DENND1A: variants seen among roughly 807,000 people sequenced by gnomAD.
DENND1A encodes DENN domain containing 1A.
In DENND1A, 51 loss-of-function variants were observed where a neutral mutation model predicts 113.7. That is an observed-to-expected ratio of 0.45 (90% confidence interval 0.36 to 0.57). The LOEUF (loss-of-function observed/expected upper bound fraction) is 0.57, where lower values mean the gene tolerates loss of function less well. DENND1A is among the 20% of genes least tolerant of loss of function. The pLI is 0.00. For missense variants in DENND1A, 1,258 were observed against 1,395.9 expected (o/e 0.90, Z 1.57); for synonymous variants, 565 against 570.8 (o/e 0.99, Z 0.14).
chr9:123,524,484 GTGGTGGCCAACAC>G (rs975786213), intron 13 of DENND1A, among the ~76,000 whole-genome samples: 2 of 152,224 alleles, frequency 1.3e-5, no homozygotes, highest in Non-Finnish European at 2.9e-5. Flanking sequence ...ACAACAGTGA[GTGGTGGCCAACAC>G]AGATGAGCCA....
chr9:123,852,128 C>T (rs1237134866), intron 2 of DENND1A, among the ~76,000 whole-genome samples: 3 of 152,180 alleles, frequency 2.0e-5, no homozygotes, highest in East Asian at 1.9e-4. Flanking sequence ...CCCGCCATTA[C>T]ACTCTGGGGA....
chr9:123,387,674 C>G lies in DENND1A; in HGVS notation c.1760+56G>C. ...GCACCAGCCCCCCGCTTTCGCCATG[C>G]AGCCCCGCAGAGTCACCAAGCCGAG... On this transcript the variant is annotated intron_variant, in intron 22 of 23. Coordinates refer to ENST00000394215, the MANE Select transcript of DENND1A (RefSeq NM_001352964.2). 3 of 1,276,692 alleles carry G rather than the reference C, an allele frequency of 2.3e-6. No individual in the cohort carries two copies. In the South Asian group the frequency reaches 3.7e-5, roughly 16 times the overall value. The allele number at this position is 1,276,692 out of a possible 1,614,324, so 79.1% of individuals were successfully genotyped here.
chr9:123,628,149 T>A (rs886250435), intron 10 of DENND1A, among the ~76,000 whole-genome samples: 1 of 151,722 alleles, frequency 6.6e-6, no homozygotes. Flanking sequence ...AGTAAATTAA[T>A]CTCACTATAG....
At chr9:123,632,312 C>T (rs1350486680) in intron 9 of DENND1A, among the ~76,000 whole-genome samples, 3 of 152,128 alleles carry the variant, frequency 2.0e-5, no homozygotes, top group African/African-American at 7.2e-5. Context: ...TCAAGGCTCG[C>T]AGGTTTAACC....
At chr9:123,700,065 A>C (rs769860764) in intron 5 of DENND1A, among the ~76,000 whole-genome samples, 1 of 152,090 alleles carries the variant, frequency 6.6e-6, no homozygotes, top group African/African-American at 2.4e-5. Context: ...ATATATCTAG[A>C]TATCAGTTGA....
intron 5 of DENND1A, among the ~76,000 whole-genome samples, chr9:123,679,829 A>C (rs1045765500): frequency 6.6e-6 from 1 of 152,186 alleles, no homozygotes. Context: ...GTCCAAAGAC[A>C]GAAACAAACA....
intron 1 of DENND1A, among the ~76,000 whole-genome samples, chr9:123,904,864 C>A (rs1035725632): frequency 4.6e-5 from 7 of 152,194 alleles, no homozygotes; most frequent in South Asian, 2.1e-4. Context: ...GAACGCCACA[C>A]AGATACTCCT....
intron 3 of DENND1A, among the ~76,000 whole-genome samples, chr9:123,777,728 T>C (rs1830669023): frequency 6.6e-6 from 1 of 152,184 alleles, no homozygotes; most frequent in Non-Finnish European, 1.5e-5. Context: ...GCCTAAAATG[T>C]TGAAAAGGAA....
In DENND1A at chr9:123,387,778, G is replaced by C. The variant is rs760329539; in HGVS notation, c.1712C>G (p.Pro571Arg). The part of the protein sequence containing the change: ...SDDECQREEG[P>R]SSGFTESFFF... ...AAAGCTCTCGGTGAAGCCAGAGCTC[G>C]GGCCCTCTTCCCGCTGGCATTCATC... is the stretch of plus-strand genomic sequence containing the variant. The change falls in exon 22 of 24, where the codon CCG (proline) becomes CGG (arginine). Residue 571 changes from proline (P) to arginine (R), a missense_variant. Transcript: ENST00000394215. 2 of 1,289,540 alleles carry C rather than the reference G, an allele frequency of 1.6e-6. No individual in the cohort carries two copies. Among genetic ancestry groups the C allele is most frequent in the South Asian group, 2.5e-5 (2 of 80,970 alleles). The allele number at this position is 1,289,540 out of a possible 1,614,324, so 79.9% of individuals were successfully genotyped here.
intron 12 of DENND1A, among the ~76,000 whole-genome samples, chr9:123,571,425 C>T (rs1215782027): frequency 6.6e-6 from 1 of 152,254 alleles, no homozygotes; most frequent in Non-Finnish European, 1.5e-5. Flanking sequence ...TCCTTCACCA[C>T]AGAAGGTTGG....
At chr9:123,766,234 T>C (rs1828790920) in intron 4 of DENND1A, among the ~76,000 whole-genome samples, 1 of 152,106 alleles carries the variant, frequency 6.6e-6, no homozygotes, top group Admixed American at 6.6e-5. Flanking sequence ...AATACAAGTC[T>C]CCCCCACCAT....
At chr9:123,505,912 G>C (rs1564617065) in intron 13 of DENND1A, among the ~76,000 whole-genome samples, 1 of 152,140 alleles carries the variant, frequency 6.6e-6, no homozygotes, top group Middle Eastern at 3.4e-3. Flanking sequence ...TTAGACAAGT[G>C]CCCTGTGATC....
chr9:123,623,593 A>G (rs2061056346), intron 10 of DENND1A, among the ~76,000 whole-genome samples: 1 of 152,228 alleles, frequency 6.6e-6, no homozygotes, highest in African/African-American at 2.4e-5. Context: ...AGGGCAGCCC[A>G]TTTGTACTAA....
chr9:123,608,368 G>A (rs1031588266), intron 11 of DENND1A, among the ~76,000 whole-genome samples: 34 of 152,300 alleles, frequency 2.2e-4, no homozygotes, highest in Admixed American at 1.2e-3. Context: ...CAGAAGAAGA[G>A]AAGTAGCACT....
At chr9:123,527,672 C>A (rs1459926058) in intron 13 of DENND1A, among the ~76,000 whole-genome samples, 1 of 152,204 alleles carries the variant, frequency 6.6e-6, no homozygotes, top group African/African-American at 2.4e-5. Context: ...TGTATTATAA[C>A]TGCCTCTATG....
At chr9:123,818,105 CGTTTT>C (rs986845960) in intron 2 of DENND1A, among the ~76,000 whole-genome samples, 5 of 151,928 alleles carry the variant, frequency 3.3e-5, no homozygotes, top group Middle Eastern at 3.4e-3. Flanking sequence ...TATTGTTTTT[CGTTTT>C]GTTTTGTTTT....
chr9:123,604,180 A>G (rs1383148092), intron 11 of DENND1A, among the ~76,000 whole-genome samples: 2 of 152,034 alleles, frequency 1.3e-5, no homozygotes, highest in East Asian at 1.9e-4. Flanking sequence ...TGAACTACTC[A>G]TATCTCCTGG....
intron 2 of DENND1A, among the ~76,000 whole-genome samples, chr9:123,857,210 A>G (rs1373171744): frequency 2.0e-5 from 3 of 152,214 alleles, no homozygotes; most frequent in African/African-American, 7.2e-5. Flanking sequence ...AGCACAGAAC[A>G]TCTTGCACCA....
chr9:123,579,201 A>C (rs2058769095), intron 12 of DENND1A, among the ~76,000 whole-genome samples: 1 of 152,158 alleles, frequency 6.6e-6, no homozygotes. Flanking sequence ...TAAATATATT[A>C]TATATATTAC....
Sources: gnomAD v4.1 joint callset for allele counts (sites outside exome capture counted in the v4.1 genomes callset) on GRCh38, gnomAD v4.1.1 for gene constraint, MANE v1.5 for transcripts, NCBI Gene and HGNC (gene_info 2026-07-23, HGNC 2026-07-21) for gene names.